The following TRAK1 variants were observed in gnomAD, a reference collection of about 807,000 sequenced individuals.
The protein encoded by TRAK1 is trafficking kinesin-binding protein 1.
TRAK1 carries 33 observed loss-of-function variants against 92.1 expected under a neutral mutation model. The observed-to-expected ratio is 0.36, with a 90% CI of 0.27 to 0.48. The LOEUF (loss-of-function observed/expected upper bound fraction) is 0.48, where lower values mean the gene tolerates loss of function less well. Ranked by LOEUF, TRAK1 falls within the 20% of genes least tolerant of loss-of-function variation. The pLI is 0.99. For synonymous variants in TRAK1, 521 were observed against 517.3 expected, an observed-to-expected ratio of 1.01 and a Z score of -0.10; for missense variants, 1,123 against 1,257.9, an observed-to-expected ratio of 0.89 and a Z score of 1.62.
rs1446824580 is a variant in TRAK1 at position 42,223,908 on chromosome 3, T to G, written c.*171T>G. The G allele has an allele frequency of 1.3e-6, 1 of 763,116 alleles. No individual in the cohort carries two copies. The highest frequency in any genetic ancestry group is 2.1e-6 in the Non-Finnish European group (1 of 470,942). 47.3% of individuals were successfully genotyped at this position (763,116 alleles called of 1,614,324 possible). On this transcript the variant is annotated 3_prime_UTR_variant, in exon 16 of 16. Coordinates refer to ENST00000327628, the MANE Select transcript of TRAK1 (RefSeq NM_001042646.3). This position sits in a 1 kb window ranked among gnomAD's most constrained non-coding sequence, Gnocchi z 6.1. ...TAATGGAGGAAGTGTGGAAACTTTG[T>G]AAAATGTGTACATAGGACTTGGAGA...
chr3:42,076,125 T>C lies in TRAK1; in HGVS notation c.-518-10979T>C, dbSNP rs185786295. ...TCCCAAAGTGCTGGGATTACAAGCATGTGACTGCACGCAGCCTCCTTTGCG... is the reference window on the plus strand; with the variant it reads ...TCCCAAAGTGCTGGGATTACAAGCACGTGACTGCACGCAGCCTCCTTTGCG... On this transcript the variant is annotated intron_variant, in intron 1 of 16. Coordinates refer to the TRAK1 transcript ENST00000487159. Among the ~76,000 whole-genome samples the C allele has an allele frequency of 1.3e-3, 197 of 148,984 alleles. 1 individual carries two copies. The highest frequency in any genetic ancestry group is 4.8e-3 in the African/African-American group (193 of 40,564).
Position 42,225,305 on chromosome 3 carries a change from T to G in TRAK1, c.*1568T>G, listed in dbSNP as rs937989324. The G allele has an allele frequency of 6.6e-6, 1 of 152,214 alleles. No homozygotes were observed. 9.4% of individuals were successfully genotyped at this position (152,214 alleles called of 1,614,324 possible). ...GTGTCCTCCCCGGCAGCAGAAGATG[T>G]GTCCTTCCATTGAGTGAGGGTAACC... On this transcript the variant is annotated 3_prime_UTR_variant, in exon 16 of 16. Coordinates refer to ENST00000327628, the MANE Select transcript of TRAK1 (RefSeq NM_001042646.3).
At chr3:42,063,655 C>T (rs990669828) in intron 1 of TRAK1, among the ~76,000 whole-genome samples, 2 of 149,704 alleles carry the variant, frequency 1.3e-5, no homozygotes, top group Non-Finnish European at 3.0e-5. Flanking sequence ...CACTGCATTC[C>T]AGCCTTGGTG....
intron 2 of TRAK1, among the ~76,000 whole-genome samples, chr3:42,148,819 T>A (rs1373813101): frequency 6.6e-6 from 1 of 152,174 alleles, no homozygotes; most frequent in Admixed American, 6.5e-5. Flanking sequence ...TTATAGAAGA[T>A]GTTTAATGTG....
intron 2 of TRAK1, among the ~76,000 whole-genome samples, chr3:42,174,572 G>T (rs561488641): frequency 6.6e-6 from 1 of 151,574 alleles, no homozygotes; most frequent in East Asian, 2.0e-4. Context: ...CCGGGTTCAA[G>T]TGATTCTCCT....
chr3:42,041,594 G>A (rs1397048992), intron 1 of TRAK1, among the ~76,000 whole-genome samples: 4 of 126,624 alleles, frequency 3.2e-5, no homozygotes, highest in Middle Eastern at 3.7e-3. Context: ...CAATATGAGG[G>A]CCCTTTTTTT....
At chr3:42,106,087 A>G (rs1264306133) in intron 1 of TRAK1, among the ~76,000 whole-genome samples, 3 of 152,282 alleles carry the variant, frequency 2.0e-5, no homozygotes, top group African/African-American at 2.4e-5. Context: ...AAAGACCATC[A>G]ATGCTAGGAA....
At position 42,199,253 on chromosome 3, in the gene TRAK1, C is replaced by T. The variant is rs777322057; in HGVS notation, c.1190C>T (p.Thr397Ile). Residue 397 changes from threonine (T) to isoleucine (I), a missense_variant and splice_region_variant, in exon 11 of 16, where the codon ACT becomes ATT. Around this residue, in one of 3 missense-constraint regions of TRAK1, gnomAD observed 686 missense variants for 747.6 expected, o/e 0.92. Transcript: ENST00000327628. The part of the protein sequence containing the change: ...QLEEAESPDI[T>I]HQKRVFETVR... The stretch of plus-strand genomic sequence containing the variant: ...GAAGAGGCCGAGTCTCCAGACATCA[C>T]GTACGGCCACAGTTTTTACAGTTTT... 17 of 1,614,048 alleles carry T rather than the reference C, an allele frequency of 1.1e-5. No individual in the cohort carries two copies. The East Asian group carries it at 1.8e-4, about 17-fold the overall frequency.
At chr3:42,210,172 CAG>C (rs1708845686) in intron 14 of TRAK1, 187 bp downstream of exon 14, 1 of 1,587,470 alleles carries the variant, frequency 6.3e-7, no homozygotes, top group Non-Finnish European at 8.6e-7. Flanking sequence ...TTCCCGGAGG[CAG>C]AGTTTTGGGC....
At chr3:42,124,683 A>C (rs1710332340) in intron 1 of TRAK1, among the ~76,000 whole-genome samples, 1 of 152,238 alleles carries the variant, frequency 6.6e-6, no homozygotes, top group Non-Finnish European at 1.5e-5. Flanking sequence ...CAGACACTGA[A>C]ATACCCACAA....
At chr3:42,152,604 CTG>C (rs1233643158) in intron 2 of TRAK1, among the ~76,000 whole-genome samples, 5 of 152,140 alleles carry the variant, frequency 3.3e-5, no homozygotes, top group African/African-American at 9.7e-5. Context: ...GTTTGGGAAA[CTG>C]TGCTGATTGA....
At chr3:42,147,492 T>C (rs1263674291) in intron 2 of TRAK1, among the ~76,000 whole-genome samples, 1 of 152,194 alleles carries the variant, frequency 6.6e-6, no homozygotes, top group Non-Finnish European at 1.5e-5. Context: ...GGAATCCTAT[T>C]AACAATTTTA....
intron 1 of TRAK1, among the ~76,000 whole-genome samples, chr3:42,108,492 TAAAAA>T (rs10578367): frequency 3.3e-5 from 4 of 120,264 alleles, no homozygotes; most frequent in Non-Finnish European, 1.7e-5. Flanking sequence ...ACCCTGCCTT[TAAAAA>T]AAAAAAAAAA....
At chr3:42,028,801 C>T (rs922742311) in intron 1 of TRAK1, among the ~76,000 whole-genome samples, 2 of 152,168 alleles carry the variant, frequency 1.3e-5, no homozygotes, top group African/African-American at 4.8e-5. Flanking sequence ...TTGGGAACTA[C>T]TGGAGGATTC....
At chr3:42,029,797 C>T (rs918553355) in intron 1 of TRAK1, among the ~76,000 whole-genome samples, 4 of 152,200 alleles carry the variant, frequency 2.6e-5, no homozygotes, top group Non-Finnish European at 5.9e-5. Context: ...GATCCACCCA[C>T]CTCAGCCTCC....
intron 2 of TRAK1, among the ~76,000 whole-genome samples, chr3:42,133,079 C>T (rs1405473252): frequency 2.0e-5 from 3 of 152,188 alleles, no homozygotes; most frequent in African/African-American, 2.4e-5. Flanking sequence ...TAACTGCTCT[C>T]CCAGCTTCCA....
chr3:42,208,996 T>C (rs1164839541), intron 13 of TRAK1, among the ~76,000 whole-genome samples: 2 of 152,158 alleles, frequency 1.3e-5, no homozygotes, highest in African/African-American at 4.8e-5. Flanking sequence ...CACCTTGAGG[T>C]CTTCAGGGAC....
chr3:42,219,415 T>G, intron 14 of TRAK1, 79 bp from the exon 15 acceptor site: 12 of 1,609,862 alleles, frequency 7.5e-6, no homozygotes, highest in Non-Finnish European at 1.0e-5. Flanking sequence ...CTTGCATCTG[T>G]TGAGTGACAT....
chr3:42,036,869 C>T (rs111836559), intron 1 of TRAK1, among the ~76,000 whole-genome samples: 11,209 of 152,300 alleles, frequency 0.074, 470 homozygotes, highest in Middle Eastern at 0.21. Flanking sequence ...CCTACCTCAG[C>T]TTCCTGAGTA....
Sources: allele counts gnomAD v4.1 joint callset (sites outside exome capture counted in the v4.1 genomes callset), GRCh38; gene constraint gnomAD v4.1.1; regional missense constraint gnomAD v4.1.1; non-coding constraint Gnocchi (gnomAD v3.1); transcripts MANE v1.5; gene names NCBI Gene and HGNC (gene_info 2026-07-23, HGNC 2026-07-21).